Variants in RNF121 observed in about 807,000 individuals in gnomAD.
The protein encoded by RNF121 is ring finger protein 121, also known as E3 ubiquitin ligase RNF121.
A neutral mutation model predicts 46.5 loss-of-function variants in RNF121; 21 were observed. The ratio of observed to expected loss-of-function variants is 0.45; its 90% CI spans 0.32 to 0.65. The LOEUF (loss-of-function observed/expected upper bound fraction) is 0.65, where lower values mean the gene tolerates loss of function less well. Among genes scored for constraint, RNF121 ranks in the 30% least tolerant of loss-of-function variants. RNF121 has a pLI of 0.04. For missense variants in RNF121, 346 were observed against 416.0 expected (o/e 0.83, Z 1.46); for synonymous variants, 139 against 144.7 (o/e 0.96, Z 0.28).
intron 1 of RNF121, among the ~76,000 whole-genome samples, chr11:71,954,874 C>G (rs1953956416): frequency 6.6e-6 from 1 of 152,168 alleles, no homozygotes; most frequent in Non-Finnish European, 1.5e-5. Context: ...TTAAGCATCT[C>G]CAGGTGAGGT....
chr11:71,972,468 G>C (rs565777458), intron 3 of RNF121, among the ~76,000 whole-genome samples: 1 of 152,280 alleles, frequency 6.6e-6, no homozygotes, highest in African/African-American at 2.4e-5. Context: ...CACTAGTGCA[G>C]GTTGGTGGCG....
At chr11:71,934,724 G>T (rs928777240) in intron 1 of RNF121, among the ~76,000 whole-genome samples, 1 of 151,976 alleles carries the variant, frequency 6.6e-6, no homozygotes, top group African/African-American at 2.4e-5. Flanking sequence ...AGTGTAGTGG[G>T]GAAAAAGCCA....
chr11:71,966,564 C>T (rs1024157179), intron 3 of RNF121, among the ~76,000 whole-genome samples: 1 of 151,880 alleles, frequency 6.6e-6, no homozygotes, highest in African/African-American at 2.4e-5. Flanking sequence ...TCACTGCAGC[C>T]TCAAACACCT....
intron 6 of RNF121, among the ~76,000 whole-genome samples, chr11:71,994,506 T>C (rs1159045115): frequency 6.6e-6 from 1 of 152,084 alleles, no homozygotes; most frequent in Non-Finnish European, 1.5e-5. Flanking sequence ...GTCTGGTCAC[T>C]TCTCCCCATC....
At chr11:71,961,201 T>A (rs1246760805) in intron 3 of RNF121, among the ~76,000 whole-genome samples, 1 of 152,140 alleles carries the variant, frequency 6.6e-6, no homozygotes, top group Non-Finnish European at 1.5e-5. Context: ...AGAGCAAAGA[T>A]GAATTGACTG....
intron 3 of RNF121, among the ~76,000 whole-genome samples, chr11:71,966,018 T>C (rs1954267692): frequency 6.6e-6 from 1 of 152,224 alleles, no homozygotes; most frequent in African/African-American, 2.4e-5. Context: ...ACTAGATTTA[T>C]ATTTGATACA....
chr11:71,952,840 TAATTA>T (rs751960702), intron 1 of RNF121, among the ~76,000 whole-genome samples: 4 of 152,102 alleles, frequency 2.6e-5, no homozygotes, highest in African/African-American at 4.8e-5. Context: ...CAATGTGGAA[TAATTA>T]AATCAAGCTA....
At chr11:71,967,654 C>T (rs950388021) in intron 3 of RNF121, among the ~76,000 whole-genome samples, 1 of 151,734 alleles carries the variant, frequency 6.6e-6, no homozygotes, top group African/African-American at 2.4e-5. Flanking sequence ...ATCTCCTGAC[C>T]TCGTGATCTG....
intron 1 of RNF121, among the ~76,000 whole-genome samples, chr11:71,940,777 G>GTT (rs1352545589): frequency 6.6e-6 from 1 of 152,218 alleles, no homozygotes. Context: ...CATGTGTTAA[G>GTT]TACTGTGATG....
intron 1 of RNF121, among the ~76,000 whole-genome samples, chr11:71,956,474 G>A (rs1207482580): frequency 6.6e-6 from 1 of 152,196 alleles, no homozygotes; most frequent in African/African-American, 2.4e-5. Flanking sequence ...TAAAATATCA[G>A]TAGTGCCAAG....
chr11:71,969,449 T>C (rs1322105047), intron 3 of RNF121, among the ~76,000 whole-genome samples: 1 of 152,238 alleles, frequency 6.6e-6, no homozygotes, highest in East Asian at 1.9e-4. Context: ...GTTGACACTT[T>C]TTATAGAAAG....
At chr11:71,932,774 C>G (rs1242975224) in intron 1 of RNF121, among the ~76,000 whole-genome samples, 6 of 152,160 alleles carry the variant, frequency 3.9e-5, no homozygotes, top group Non-Finnish European at 8.8e-5. Flanking sequence ...TATAAAATTT[C>G]CATTTTCAAA....
Position 71,996,232 on chromosome 11 carries a change from G to C in RNF121, c.901G>C (p.Asp301His). 6.2e-7 allele frequency: 1 copy of C among 1,614,202 alleles called. No homozygotes were observed. The highest frequency in any genetic ancestry group is 8.5e-7 in the Non-Finnish European group (1 of 1,180,022). ...RPHVMYGQLL[D>H]WLRYLVAWQP... ...TCACGTCATGTATGGGCAACTGCTG[G>C]ACTGGCTTCGATACTTGGTAGCCTG... Residue 301 changes from aspartate to histidine, a missense_variant, in exon 9 of 9, where the codon GAC (aspartate) becomes CAC (histidine). Transcript: ENST00000361756.
chr11:71,936,116 GGATTATAGGCGTGA>G (rs1411087582), intron 1 of RNF121, among the ~76,000 whole-genome samples: 1 of 151,732 alleles, frequency 6.6e-6, no homozygotes, highest in African/African-American at 2.4e-5. Flanking sequence ...CAGAGTGCTG[GGATTATAGGCGTGA>G]GATTATAGGC....
intron 3 of RNF121, among the ~76,000 whole-genome samples, chr11:71,972,709 C>G (rs898028270): frequency 1.3e-5 from 2 of 151,998 alleles, no homozygotes; most frequent in Non-Finnish European, 2.9e-5. Flanking sequence ...TCCAGACTGC[C>G]AAATGTCCCC....
At chr11:71,945,278 C>T (rs1485733000) in intron 1 of RNF121, among the ~76,000 whole-genome samples, 1 of 152,214 alleles carries the variant, frequency 6.6e-6, no homozygotes. Flanking sequence ...CATGAGCCAA[C>T]ATGTCTGGCC....
chr11:71,938,183 A>G (rs1163241519), intron 1 of RNF121, among the ~76,000 whole-genome samples: 1 of 151,976 alleles, frequency 6.6e-6, no homozygotes, highest in Non-Finnish European at 1.5e-5. Context: ...GAGCCTAACT[A>G]CCTCTGAGCT....
intron 6 of RNF121, 40 bp downstream of exon 6, chr11:71,990,757 C>T (rs1954850103): frequency 6.2e-7 from 1 of 1,607,048 alleles, no homozygotes; most frequent in African/African-American, 1.3e-5. Context: ...TTCTTGACAC[C>T]TCCAAATTGC....
intron 3 of RNF121, among the ~76,000 whole-genome samples, chr11:71,964,910 T>C (rs1252909634): frequency 6.6e-6 from 1 of 152,174 alleles, no homozygotes; most frequent in Non-Finnish European, 1.5e-5. Flanking sequence ...CTGTATCAAA[T>C]TGAATTACCC....
Sources: gnomAD v4.1 joint callset for allele counts (sites outside exome capture counted in the v4.1 genomes callset) on GRCh38, gnomAD v4.1.1 for gene constraint, MANE v1.5 for transcripts, NCBI Gene and HGNC (gene_info 2026-07-23, HGNC 2026-07-21) for gene names.